Variants in RAET1E observed in about 807,000 individuals in gnomAD.
RAET1E encodes retinoic acid early transcript 1E.
RAET1E carries 27 observed loss-of-function variants against 21.1 expected under a neutral mutation model. The observed-to-expected ratio is 1.28, with a 90% CI of 0.94 to 1.76. RAET1E has a LOEUF of 1.76. Among genes scored for constraint, RAET1E ranks in the 40% most tolerant of loss-of-function variants. RAET1E has a pLI of 0.00. For missense variants in RAET1E, 310 were observed against 311.3 expected, an observed-to-expected ratio of 1.00 and a Z score of 0.03; for synonymous variants, 113 against 115.0, an observed-to-expected ratio of 0.98 and a Z score of 0.11.
At chr6:149,888,812 AC>A in intron 5 of RAET1E, 145 bp from the exon 6 acceptor site, 1 of 1,270,756 alleles carries the variant, frequency 7.9e-7, no homozygotes, top group Non-Finnish European at 1.1e-6. Flanking sequence ...CAGCCACTCT[AC>A]CAGGCCCTGG....
intron 2 of RAET1E, among the ~76,000 whole-genome samples, chr6:149,893,752 G>A (rs1313796129): frequency 6.6e-6 from 1 of 152,216 alleles, no homozygotes; most frequent in East Asian, 1.9e-4. Flanking sequence ...AATAGGAGTG[G>A]TGAGAGAGGG....
At position 149,889,360 on chromosome 6, in the gene RAET1E, G is replaced by T; in HGVS notation, c.610C>A (p.Pro204Thr). The change falls in exon 5 of 6, where the codon CCA becomes ACA. Residue 204 changes from proline (P) to threonine (T), a missense_variant. Transcript: ENST00000357183. ...REFLGHWEAM[P>T]EPTVSPVNAS... Reference sequence around the variant, plus strand: ...CCAGCTCAGTTACCTGTCGGTTCTGGCATTGCCTCCCAGTGCCCTAAGAAT... The same window carrying T: ...CCAGCTCAGTTACCTGTCGGTTCTGTCATTGCCTCCCAGTGCCCTAAGAAT... 6.2e-7 allele frequency: 1 copy of T among 1,614,060 alleles called. No individual in the cohort carries two copies. The highest frequency in any genetic ancestry group is 8.5e-7 in the Non-Finnish European group (1 of 1,180,018).
Position 149,889,975 on chromosome 6 carries a change from T to G in RAET1E, c.256A>C (p.Thr86Pro), listed in dbSNP as rs1582769751. 1 of 1,614,148 alleles carries G rather than the reference T, an allele frequency of 6.2e-7. No individual in the cohort carries two copies. The highest frequency in any genetic ancestry group is 8.5e-7 in the Non-Finnish European group (1 of 1,180,024). The part of the protein sequence containing the change: ...LLGKKVYATS[T>P]WGELTQTLGE... The stretch of plus-strand genomic sequence containing the variant: ...AGCGTTTGGGTCAATTCTCCCCAAG[T>G]GCTGGTGGCATATACCTTCTTCCCC... The change falls in exon 4 of 6, where the codon ACT becomes CCT. Residue 86 changes from threonine (T) to proline (P), a missense_variant. Physicochemically the swap from Thr to Pro is conservative, Grantham distance 38 (BLOSUM62 -1). Coordinates refer to ENST00000357183, the MANE Select transcript of RAET1E (RefSeq NM_001394057.1).
Position 149,887,686 on chromosome 6 carries a change from C to G in RAET1E, c.*812G>C, listed in dbSNP as rs1777668052. On this transcript the variant is annotated 3_prime_UTR_variant, in exon 6 of 6. Coordinates refer to ENST00000357183, the MANE Select transcript of RAET1E (RefSeq NM_001394057.1). ...TTAGAGGGAATCCTAACTTTGAACTCCACAGAGAGAGCCCCAGGAACTGTG... is the reference window on the plus strand; with the variant it reads ...TTAGAGGGAATCCTAACTTTGAACTGCACAGAGAGAGCCCCAGGAACTGTG... Among the ~76,000 whole-genome samples, 1 of 152,174 alleles carries G rather than the reference C, an allele frequency of 6.6e-6. No individual in the cohort carries two copies. The highest frequency in any genetic ancestry group is 6.5e-5 in the Admixed American group (1 of 15,286).
chr6:149,891,954 C>T (rs1683675668), intron 2 of RAET1E, among the ~76,000 whole-genome samples: 1 of 152,130 alleles, frequency 6.6e-6, no homozygotes, highest in Non-Finnish European at 1.5e-5. Context: ...GGTCAACTCT[C>T]ACCTATGAGT....
Position 149,885,203 on chromosome 6 carries a change from T to C in RAET1E, c.*3295A>G, listed in dbSNP as rs183282327. ...GTGTTTCTGTCCATCAGACCACCCA[T>C]CACATAGGCAACCCCTGGAGAGTGA... On this transcript the variant is annotated 3_prime_UTR_variant, in exon 6 of 6. Coordinates refer to ENST00000357183, the MANE Select transcript of RAET1E (RefSeq NM_001394057.1). Among the ~76,000 whole-genome samples, 1 of 152,152 alleles carries C rather than the reference T, an allele frequency of 6.6e-6. No individual in the cohort carries two copies. The highest frequency in any genetic ancestry group is 1.9e-4 in the East Asian group (1 of 5,172).
rs73782115 is a variant in RAET1E, at chr6:149,888,593, A to G, written c.697T>C (p.Phe233Leu). 6.4e-3 allele frequency: 10,258 copies of G among 1,611,528 alleles called. 571 individuals carry two copies. In the African/African-American group the frequency reaches 0.12, roughly 19 times the overall value. ...ATTCCCATTAAAACTAACAGGATGA[A>G]TGCCCCCAGGATGATCCATCTATCT... ...LPDRWIILGA[F>L]ILLVLMGIVL... Residue 233 changes from phenylalanine (F) to leucine (L), a missense_variant, in exon 6 of 6, where the codon TTC becomes CTC. Phe to Leu is a conservative substitution (Grantham distance 22). Coordinates refer to ENST00000357183, the MANE Select transcript of RAET1E (RefSeq NM_001394057.1).
In RAET1E at chr6:149,890,125, T is replaced by C. The variant is rs1361473627; in HGVS notation, c.106A>G (p.Asn36Asp). Residue 36 changes from asparagine to aspartate, a missense_variant, in exon 4 of 6, where the codon AAC becomes GAC. Physicochemically the swap from Asn to Asp is conservative, Grantham distance 23. Coordinates refer to ENST00000357183, the MANE Select transcript of RAET1E (RefSeq NM_001394057.1). ...CTGGACAATGATTTTATAGTGAAGT[T>C]GAAGCAAAGAGAGTGACCACCTGTG... ...IMVGGHSLCF[N>D]FTIKSLSRPG... 34 of 1,613,984 alleles carry C rather than the reference T, an allele frequency of 2.1e-5. No individual in the cohort carries two copies. In the Admixed American group the frequency reaches 5.3e-4, roughly 25 times the overall value.
At chr6:149,890,240 G>A in intron 3 of RAET1E, 95 bp from the exon 4 acceptor site, 1 of 1,387,036 alleles carries the variant, frequency 7.2e-7, no homozygotes, top group Non-Finnish European at 1.0e-6. Context: ...ACTGGGCCAG[G>A]CTAGCAGAGG....
At chr6:149,894,046 T>G (rs533503189) in intron 2 of RAET1E, among the ~76,000 whole-genome samples, 1 of 152,242 alleles carries the variant, frequency 6.6e-6, no homozygotes, top group African/African-American at 2.4e-5. Context: ...ATCCCAGGTA[T>G]GAAGCCAACT....
rs1777690501 is a variant in RAET1E at position 149,888,143 on chromosome 6, A to G, written c.*355T>C. 2 of 538,994 alleles carry G rather than the reference A, an allele frequency of 3.7e-6. No individual in the cohort carries two copies. Among genetic ancestry groups the G allele is most frequent in the Admixed American group, 2.0e-5 (1 of 49,672 alleles). The allele number at this position is 538,994 out of a possible 1,614,324, so 33.4% of individuals were successfully genotyped here. A position where few individuals can be genotyped will look rare whatever the true frequency, so the allele number is the denominator to read the frequency against. ...TCTGGGAGTAAATGCTGCAGCCACA[A>G]GCGCCACCAGCAAGTCTTCTCAGGG... On this transcript the variant is annotated 3_prime_UTR_variant, in exon 6 of 6. Coordinates refer to ENST00000357183, the MANE Select transcript of RAET1E (RefSeq NM_001394057.1).
rs58899076 is a variant in RAET1E at position 149,891,484 on chromosome 6, T to TTGTGTGTGTG, written c.-133-460_-133-451dup. 1.3e-3 allele frequency among the ~76,000 whole-genome samples: 199 copies of TTGTGTGTGTG among 149,908 alleles called. 1 individual carries two copies. Among genetic ancestry groups the TTGTGTGTGTG allele is most frequent in the African/African-American group, 4.2e-3 (170 of 40,122 alleles). The stretch of plus-strand genomic sequence containing the variant: ...AGTGGTCTACCATGACAGATGGGTT[T>TTGTGTGTGTG]TGTGTGTGTGTGTGTGTGTGTAATT... On this transcript the variant is annotated intron_variant, in intron 2 of 5. Transcript: ENST00000357183.
At chr6:149,891,380 T>G (rs781611844) in intron 2 of RAET1E, among the ~76,000 whole-genome samples, 41 of 152,096 alleles carry the variant, frequency 2.7e-4, no homozygotes, top group Non-Finnish European at 4.7e-4. Context: ...CCGTTCAAAC[T>G]CTTTCCTCTT....
At chr6:149,897,298 GT>G (rs1456570260) in intron 1 of RAET1E, among the ~76,000 whole-genome samples, 1 of 152,090 alleles carries the variant, frequency 6.6e-6, no homozygotes, top group Non-Finnish European at 1.5e-5. Flanking sequence ...GCCTCCCAAA[GT>G]GTTGGGATTA....
chr6:149,889,040 A>G, intron 5 of RAET1E: 1 of 1,311,714 alleles, frequency 7.6e-7, no homozygotes, highest in Non-Finnish European at 9.8e-7. Flanking sequence ...GGGTAATTAT[A>G]ATAGAGGAAG....
intron 1 of RAET1E, among the ~76,000 whole-genome samples, 190 bp downstream of exon 1, chr6:149,897,831 C>T (rs891124826): frequency 6.6e-6 from 1 of 152,076 alleles, no homozygotes; most frequent in Non-Finnish European, 1.5e-5. Flanking sequence ...GCAGAGCCAC[C>T]CCGTCCTCCC....
At chr6:149,894,902 CTT>C (rs1218656385) in intron 2 of RAET1E, among the ~76,000 whole-genome samples, 2 of 152,258 alleles carry the variant, frequency 1.3e-5, no homozygotes, top group East Asian at 1.9e-4. Context: ...TTTTTCCTAT[CTT>C]TGTGGATTTA....
At position 149,883,230 on chromosome 6, in the gene RAET1E, A is replaced by T. The variant is rs910027075; in HGVS notation, c.*5268T>A. ...GTAAAGATCTGATAAAAATTATCAG[A>T]TGATAAGAATTTACAACCATATCAT... On this transcript the variant is annotated 3_prime_UTR_variant, in exon 6 of 6. Transcript: ENST00000357183. 7.2e-5 allele frequency: 11 copies of T among 152,240 alleles called. No homozygotes were observed. Among genetic ancestry groups the T allele is most frequent in the African/African-American group, 2.7e-4 (11 of 41,470 alleles). 9.4% of individuals were successfully genotyped at this position (152,240 alleles called of 1,614,324 possible).
chr6:149,888,980 T>G (rs1777751420), intron 5 of RAET1E: 2 of 854,158 alleles, frequency 2.3e-6, no homozygotes, highest in Non-Finnish European at 3.3e-6. Flanking sequence ...TAATTCTGTG[T>G]GGGGAAGGTG....
Sources: gnomAD v4.1 joint callset for allele counts (sites outside exome capture counted in the v4.1 genomes callset) on GRCh38, gnomAD v4.1.1 for gene constraint, MANE v1.5 for transcripts, NCBI Gene and HGNC (gene_info 2026-07-23, HGNC 2026-07-21) for gene names.